EPHA3: variants seen among roughly 807,000 people sequenced by gnomAD.
The protein encoded by EPHA3 is ephrin type-A receptor 3.
Under a neutral mutation model 107.1 loss-of-function variants are expected in EPHA3, and 42 were observed. The ratio of observed to expected loss-of-function variants is 0.39; its 90% CI spans 0.31 to 0.51. The LOEUF is 0.51. Among genes scored for constraint, EPHA3 ranks in the 20% least tolerant of loss-of-function variants. The pLI is 0.78. For synonymous variants in EPHA3, 461 were observed against 424.8 expected (o/e 1.09, Z -1.05); for missense variants, 1,183 against 1,211.2 (o/e 0.98, Z 0.35).
intron 3 of EPHA3, among the ~76,000 whole-genome samples, chr3:89,242,399 A>G (rs773882421): frequency 6.6e-6 from 1 of 152,068 alleles, no homozygotes; most frequent in Non-Finnish European, 1.5e-5. Context: ...ATAATGTTTT[A>G]GTATTTTCTT....
intron 3 of EPHA3, among the ~76,000 whole-genome samples, chr3:89,285,153 T>C (rs1706049679): frequency 1.3e-5 from 2 of 151,916 alleles, no homozygotes; most frequent in African/African-American, 4.8e-5. Context: ...AAAATAAAAA[T>C]ATGTCACATC....
intron 5 of EPHA3, among the ~76,000 whole-genome samples, chr3:89,347,992 T>C (rs1440131525): frequency 1.3e-5 from 2 of 150,898 alleles, no homozygotes; most frequent in African/African-American, 4.8e-5. Context: ...ATAAGCTTTT[T>C]GATGTGCTGC....
rs1468606703 is a variant in EPHA3, at chr3:89,408,015, C to G, written c.1698-52C>G. 32 of 1,524,626 alleles carry G rather than the reference C, an allele frequency of 2.1e-5. No individual in the cohort carries two copies. The East Asian group carries it at 5.9e-4, about 28-fold the overall frequency. 94.4% of individuals were successfully genotyped at this position (1,524,626 alleles called of 1,614,324 possible). On this transcript the variant is annotated intron_variant, in intron 8 of 16. Transcript: ENST00000336596. Reference sequence around the variant, plus strand: ...CTTTGCACATTCTGAGCATAGGTAACTATTTTAAATATATTCCTCTTATGT... The same window carrying G: ...CTTTGCACATTCTGAGCATAGGTAAGTATTTTAAATATATTCCTCTTATGT...
intron 11 of EPHA3, 82 bp downstream of exon 11, chr3:89,419,472 T>C (rs1037777728): frequency 2.3e-6 from 3 of 1,330,484 alleles, no homozygotes; most frequent in Non-Finnish European, 3.0e-6. Context: ...TTTAAGAATT[T>C]TGGCTTTTTT....
At chr3:89,210,545 T>C in intron 3 of EPHA3, 25 bp downstream of exon 3, 2 of 1,516,008 alleles carry the variant, frequency 1.3e-6, no homozygotes, top group South Asian at 1.4e-5. Context: ...TATTTTTCTT[T>C]GAGCAATATT....
At chr3:89,455,774 G>A (rs909826974) in intron 15 of EPHA3, among the ~76,000 whole-genome samples, 1 of 152,206 alleles carries the variant, frequency 6.6e-6, no homozygotes, top group Non-Finnish European at 1.5e-5. Context: ...CCTTAAGGAA[G>A]CAACTTACAC....
chr3:89,354,845 C>T (rs1358777836), intron 5 of EPHA3, among the ~76,000 whole-genome samples: 1 of 150,898 alleles, frequency 6.6e-6, no homozygotes, highest in African/African-American at 2.4e-5. Flanking sequence ...TATTCTTTTT[C>T]CTATGGGTTG....
intron 3 of EPHA3, among the ~76,000 whole-genome samples, chr3:89,278,608 G>T (rs139899893): frequency 6.6e-6 from 1 of 151,966 alleles, no homozygotes; most frequent in African/African-American, 2.4e-5. Flanking sequence ...ATTTTGTGAC[G>T]CTTTCTCTTC....
chr3:89,362,448 C>T (rs1341459380), intron 5 of EPHA3, among the ~76,000 whole-genome samples: 1 of 151,060 alleles, frequency 6.6e-6, no homozygotes, highest in Non-Finnish European at 1.5e-5. Flanking sequence ...CAGGCAGCTG[C>T]TTTTACTTTC....
intron 3 of EPHA3, among the ~76,000 whole-genome samples, chr3:89,325,051 C>T (rs190404028): frequency 4.6e-5 from 7 of 152,250 alleles, no homozygotes; most frequent in Admixed American, 1.3e-4. Context: ...CTTATGGTTG[C>T]GTGGTGTCCC....
intron 3 of EPHA3, among the ~76,000 whole-genome samples, chr3:89,327,911 A>G (rs1179995952): frequency 6.6e-6 from 1 of 152,054 alleles, no homozygotes; most frequent in Non-Finnish European, 1.5e-5. Context: ...CAGCCTGGCC[A>G]ACATGGTGGA....
Position 89,191,299 on chromosome 3 carries a change from A to T in EPHA3, c.154-18561A>T, listed in dbSNP as rs374428012. 7.9e-3 allele frequency among the ~76,000 whole-genome samples: 1,177 copies of T among 149,742 alleles called. 6 individuals carry two copies. Among genetic ancestry groups the T allele is most frequent in the Non-Finnish European group, 0.012 (843 of 67,584 alleles). ...TTATATTTTTATTTTTATTTTTTTAATTTTTTTTATTTTTTTATTTTTTTT... is the reference window on the plus strand; with the variant it reads ...TTATATTTTTATTTTTATTTTTTTATTTTTTTTTATTTTTTTATTTTTTTT... On this transcript the variant is annotated intron_variant, in intron 2 of 16. Transcript: ENST00000336596.
intron 12 of EPHA3, 133 bp downstream of exon 12, chr3:89,429,300 AC>A: frequency 3.5e-6 from 2 of 579,704 alleles, no homozygotes; most frequent in South Asian, 6.9e-5. Context: ...GGCTAAATAG[AC>A]AGAGAAGGGC....
intron 3 of EPHA3, among the ~76,000 whole-genome samples, chr3:89,273,846 A>G (rs1705740464): frequency 6.6e-6 from 1 of 151,918 alleles, no homozygotes; most frequent in African/African-American, 2.4e-5. Context: ...TTTTCTCTGT[A>G]AGGCATATTA....
intron 5 of EPHA3, among the ~76,000 whole-genome samples, chr3:89,368,708 T>C (rs1270824486): frequency 6.6e-6 from 1 of 150,414 alleles, no homozygotes; most frequent in African/African-American, 2.4e-5. Flanking sequence ...AGGCCTTCAA[T>C]GGGTTGGATG....
intron 1 of EPHA3, among the ~76,000 whole-genome samples, chr3:89,113,892 G>C (rs1420917536): frequency 1.3e-5 from 2 of 152,136 alleles, no homozygotes; most frequent in Admixed American, 6.5e-5. Context: ...TGCATGTGGA[G>C]GGGTGGACAG....
chr3:89,480,064 A>G lies in EPHA3; in HGVS notation c.*562A>G. The G allele has an allele frequency of 4.3e-6, 1 of 232,864 alleles. No homozygotes were observed. The highest frequency in any genetic ancestry group is 8.5e-6 in the Non-Finnish European group (1 of 117,570). 14.4% of individuals were successfully genotyped at this position (232,864 alleles called of 1,614,324 possible). ...GAAGTTTGTAGTTGTTTTAAGTACT[A>G]CACATTTTTAAATTGTTAGCTTCCT... is the stretch of plus-strand genomic sequence containing the variant. On this transcript the variant is annotated 3_prime_UTR_variant, in exon 17 of 17. Transcript: ENST00000336596.
rs528828540 is a variant in EPHA3 at position 89,113,729 on chromosome 3, G to A, written c.88+5893G>A. ...CTAAAAACCCCGCACACTTAAAATG[G>A]GGTTGAGGTGGGGGGGGGCTGCATT... On this transcript the variant is annotated intron_variant, in intron 1 of 16. Transcript: ENST00000336596. Among the ~76,000 whole-genome samples the A allele has an allele frequency of 4.1e-4, 41 of 100,840 alleles. 1 individual carries two copies. In the South Asian group the frequency reaches 0.015, roughly 36 times the overall value. The allele number at this position is 100,840 out of a possible 152,430, so 66.2% of individuals were successfully genotyped here. A position where few individuals can be genotyped will look rare whatever the true frequency, so the allele number is the denominator to read the frequency against.
At chr3:89,239,365 G>C (rs1331242089) in intron 3 of EPHA3, among the ~76,000 whole-genome samples, 2 of 152,034 alleles carry the variant, frequency 1.3e-5, no homozygotes, top group Non-Finnish European at 2.9e-5. Flanking sequence ...TGTATAATTT[G>C]GATAATTCCT....
Sources: allele counts gnomAD v4.1 joint callset (sites outside exome capture counted in the v4.1 genomes callset), GRCh38; gene constraint gnomAD v4.1.1; transcripts MANE v1.5; gene names NCBI Gene and HGNC (gene_info 2026-07-23, HGNC 2026-07-21).